The following SLC35F4 variants were observed in gnomAD, a reference collection of about 807,000 sequenced individuals.
The protein encoded by SLC35F4 is solute carrier family 35 member F4.
A neutral mutation model predicts 44.2 loss-of-function variants in SLC35F4; 24 were observed. The observed-to-expected ratio is 0.54, with a 90% confidence interval of 0.39 to 0.76. The LOEUF is 0.76. Among genes scored for constraint, SLC35F4 ranks in the 30% least tolerant of loss-of-function variants. The pLI is 0.00. For synonymous variants in SLC35F4, 238 were observed against 223.6 expected, an observed-to-expected ratio of 1.06 and a Z score of -0.57; for missense variants, 562 against 586.1, an observed-to-expected ratio of 0.96 and a Z score of 0.42.
intron 1 of SLC35F4, among the ~76,000 whole-genome samples, chr14:57,800,652 C>T (rs1466671682): frequency 6.6e-6 from 1 of 152,034 alleles, no homozygotes; most frequent in Admixed American, 6.6e-5. Context: ...GCCAGAATAA[C>T]CAGTTTAGAG....
At chr14:57,721,421 G>A (rs111320582) in intron 1 of SLC35F4, among the ~76,000 whole-genome samples, 131 of 152,242 alleles carry the variant, frequency 8.6e-4, no homozygotes, top group African/African-American at 2.9e-3. Flanking sequence ...ACAAAGTGAT[G>A]GAAGAAAATG....
intron 1 of SLC35F4, among the ~76,000 whole-genome samples, chr14:57,754,084 T>C (rs2076943951): frequency 6.7e-6 from 1 of 150,012 alleles, no homozygotes. Flanking sequence ...TCCTTTACAA[T>C]GACTAACCCA....
chr14:57,813,830 C>T (rs1399421532), intron 1 of SLC35F4, among the ~76,000 whole-genome samples: 1 of 152,080 alleles, frequency 6.6e-6, no homozygotes, highest in African/African-American at 2.4e-5. Context: ...CCGCAGGCCA[C>T]ACCACAGGAA....
At chr14:57,600,708 A>C (rs1472540179) in intron 1 of SLC35F4, among the ~76,000 whole-genome samples, 4 of 147,932 alleles carry the variant, frequency 2.7e-5, no homozygotes, top group East Asian at 1.9e-4. Flanking sequence ...AAAAAAAAAA[A>C]AAAAAAAAAA....
intron 1 of SLC35F4, among the ~76,000 whole-genome samples, chr14:57,692,339 G>T (rs1178645285): frequency 6.6e-6 from 1 of 152,054 alleles, no homozygotes; most frequent in Non-Finnish European, 1.5e-5. Context: ...GTTATATATG[G>T]ATGGTGGTAC....
At chr14:57,643,126 C>T (rs2073326100) in intron 1 of SLC35F4, among the ~76,000 whole-genome samples, 1 of 151,340 alleles carries the variant, frequency 6.6e-6, no homozygotes. Flanking sequence ...GACCCACAAA[C>T]AAAAGTTTCA....
At chr14:57,928,852 A>G (rs1330473012) in intron 1 of SLC35F4, among the ~76,000 whole-genome samples, 1 of 152,230 alleles carries the variant, frequency 6.6e-6, no homozygotes, top group Non-Finnish European at 1.5e-5. Context: ...AACTTCCTCA[A>G]GAAGAAGAAG....
chr14:57,745,242 T>C (rs1469592688), intron 1 of SLC35F4, among the ~76,000 whole-genome samples: 2 of 152,162 alleles, frequency 1.3e-5, no homozygotes, highest in Non-Finnish European at 2.9e-5. Flanking sequence ...TGGGATCTAA[T>C]GAAACTAAAC....
At chr14:57,832,801 T>C (rs1884517381) in intron 1 of SLC35F4, among the ~76,000 whole-genome samples, 1 of 152,184 alleles carries the variant, frequency 6.6e-6, no homozygotes, top group South Asian at 2.1e-4. Flanking sequence ...GAAAATAGAA[T>C]GCTGGAACTG....
At chr14:57,777,868 A>G (rs556475747) in intron 1 of SLC35F4, among the ~76,000 whole-genome samples, 15 of 152,304 alleles carry the variant, frequency 9.8e-5, no homozygotes, top group African/African-American at 3.1e-4. Flanking sequence ...CCCATCTCAC[A>G]TGGAATGACA....
intron 1 of SLC35F4, among the ~76,000 whole-genome samples, chr14:57,930,730 C>T (rs1451683010): frequency 6.6e-6 from 1 of 152,196 alleles, no homozygotes; most frequent in Non-Finnish European, 1.5e-5. Context: ...GCAGGTGCAT[C>T]ATCTGCAGGA....
intron 1 of SLC35F4, among the ~76,000 whole-genome samples, chr14:57,882,074 C>G (rs950467837): frequency 6.6e-6 from 1 of 152,130 alleles, no homozygotes; most frequent in African/African-American, 2.4e-5. Context: ...CCACCTGTAG[C>G]CCCTGCTGAG....
At chr14:57,786,425 C>G (rs1222005887) in intron 1 of SLC35F4, among the ~76,000 whole-genome samples, 1 of 152,164 alleles carries the variant, frequency 6.6e-6, no homozygotes, top group East Asian at 1.9e-4. Context: ...AGCTGATGCT[C>G]TCTGGAAAGT....
At chr14:57,619,848 A>G (rs935498779) in intron 1 of SLC35F4, among the ~76,000 whole-genome samples, 2 of 152,128 alleles carry the variant, frequency 1.3e-5, no homozygotes, top group African/African-American at 4.8e-5. Flanking sequence ...AAGAACACAT[A>G]TAACCTGATG....
intron 1 of SLC35F4, among the ~76,000 whole-genome samples, chr14:57,970,944 G>C (rs1407503566): frequency 6.6e-6 from 1 of 152,200 alleles, no homozygotes; most frequent in South Asian, 2.1e-4. Context: ...TCCAGTTCCA[G>C]TTAGGTTTTG....
chr14:57,652,543 G>A (rs1364716988), intron 1 of SLC35F4, among the ~76,000 whole-genome samples: 1 of 152,168 alleles, frequency 6.6e-6, no homozygotes, highest in Non-Finnish European at 1.5e-5. Context: ...CTTTTTGGTT[G>A]TCATAACTGG....
At chr14:57,713,204 A>G (rs1208514337) in intron 1 of SLC35F4, among the ~76,000 whole-genome samples, 2 of 152,146 alleles carry the variant, frequency 1.3e-5, no homozygotes, top group Non-Finnish European at 2.9e-5. Flanking sequence ...AGGGCTCCCC[A>G]ACTCATTTCC....
intron 1 of SLC35F4, among the ~76,000 whole-genome samples, chr14:57,740,079 C>T (rs1230289046): frequency 2.0e-5 from 3 of 152,106 alleles, no homozygotes; most frequent in African/African-American, 7.2e-5. Context: ...GGGCTGGTCT[C>T]TAACTTCTGG....
chr14:57,623,455 C>A (rs529872468), intron 1 of SLC35F4, among the ~76,000 whole-genome samples: 46 of 152,258 alleles, frequency 3.0e-4, no homozygotes, highest in African/African-American at 7.9e-4. Context: ...CTGGACCAAG[C>A]GGACCTAATT....
Sources: allele counts gnomAD v4.1 joint callset (sites outside exome capture counted in the v4.1 genomes callset), GRCh38; gene constraint gnomAD v4.1.1; transcripts MANE v1.5; gene names NCBI Gene and HGNC (gene_info 2026-07-23, HGNC 2026-07-21).